Variants in P3H1 observed in about 807,000 individuals in gnomAD.
P3H1 encodes growth suppressor 1.
In P3H1, 69 loss-of-function variants were observed where a neutral mutation model predicts 84.0. That is an observed-to-expected ratio of 0.82 (90% CI 0.68 to 1.00). The LOEUF (loss-of-function observed/expected upper bound fraction) is 1.00, where lower values mean the gene tolerates loss of function less well. Ranked by LOEUF, P3H1 falls within the 50% of genes least tolerant of loss-of-function variation. The pLI is 0.00. For synonymous variants in P3H1, 366 were observed against 388.8 expected, an observed-to-expected ratio of 0.94 and a Z score of 0.69; for missense variants, 878 against 962.8, an observed-to-expected ratio of 0.91 and a Z score of 1.17.
chr1:42,751,472 T>C (rs1167201710), intron 10 of P3H1, among the ~76,000 whole-genome samples: 1 of 136,586 alleles, frequency 7.3e-6, no homozygotes, highest in Non-Finnish European at 1.6e-5. Flanking sequence ...ACCAGAGACC[T>C]TTGTTCACTT....
chr1:42,749,728 G>A (rs1054890800), intron 11 of P3H1, among the ~76,000 whole-genome samples: 57 of 151,784 alleles, frequency 3.8e-4, no homozygotes, highest in African/African-American at 1.3e-3. Context: ...CTGCAAAACT[G>A]CCATTGCTTC....
Position 42,746,482 on chromosome 1 carries a change from T to C in P3H1, c.*215A>G. The C allele has an allele frequency of 1.7e-6, 1 of 593,378 alleles. No homozygotes were observed. Among genetic ancestry groups the C allele is most frequent in the Non-Finnish European group, 3.0e-6 (1 of 333,494 alleles). The allele number at this position is 593,378 out of a possible 1,614,324, so 36.8% of individuals were successfully genotyped here. On this transcript the variant is annotated 3_prime_UTR_variant, in exon 15 of 15. Transcript: ENST00000296388. ...AGGCCCCTGGGGGTGGCTGGGCCTG[T>C]GTCCTGAGCCCTCAGCCAGATCCAG...
chr1:42,748,915 C>T (rs1033646777), intron 11 of P3H1, among the ~76,000 whole-genome samples: 7 of 152,206 alleles, frequency 4.6e-5, no homozygotes, highest in Admixed American at 1.3e-4. Context: ...ACCGTCACGT[C>T]GTGGTGGGTG....
Position 42,766,528 on chromosome 1 carries a change from G to A in P3H1, c.444C>T (p.Tyr148=), listed in dbSNP as rs1319401505. ...LEFRKRSPYN[Y]LQVAYFKINK... The stretch of plus-strand genomic sequence containing the variant: ...GCACCTTGAAGTAGGCGACCTGCAG[G>A]TAGTTGTAGGGGCTCCGCTTGCGGA... The change falls in exon 1 of 15, where the codon TAC becomes TAT. Residue 148 remains tyrosine, a synonymous_variant. Transcript: ENST00000296388. 4 of 1,611,878 alleles carry A rather than the reference G, an allele frequency of 2.5e-6. No homozygotes were observed. Among genetic ancestry groups the A allele is most frequent in the South Asian group, 1.1e-5 (1 of 90,706 alleles).
intron 4 of P3H1, 52 bp from the exon 5 acceptor site, chr1:42,757,974 T>C (rs72956932): frequency 1.9e-6 from 3 of 1,558,096 alleles, no homozygotes; most frequent in Admixed American, 1.7e-5. Context: ...AAGGAAAGGA[T>C]AAAATCCTAG....
intron 10 of P3H1, among the ~76,000 whole-genome samples, 154 bp from the exon 11 acceptor site, chr1:42,750,490 C>G (rs1054474832): frequency 1.3e-5 from 2 of 152,202 alleles, no homozygotes; most frequent in African/African-American, 4.8e-5. Context: ...GGATCTTTCC[C>G]GTGCTGTTCT....
chr1:42,757,281 G>A (rs1652451542), intron 5 of P3H1, among the ~76,000 whole-genome samples: 1 of 152,152 alleles, frequency 6.6e-6, no homozygotes, highest in East Asian at 1.9e-4. Flanking sequence ...TCCTTTCAGC[G>A]CAGCAGTCTT....
rs973995086 is a variant in P3H1, at chr1:42,748,448, T to C, written c.1721-131A>G. ...TGCCCAATGAACTAGGGGGGTGTCTTTGGCTAAGCCACAAGCCTAGGGGTC... is the reference window on the plus strand; with the variant it reads ...TGCCCAATGAACTAGGGGGGTGTCTCTGGCTAAGCCACAAGCCTAGGGGTC... On this transcript the variant is annotated intron_variant, in intron 11 of 14. Coordinates refer to ENST00000296388, the MANE Select transcript of P3H1 (RefSeq NM_022356.4). 8 of 774,220 alleles carry C rather than the reference T, an allele frequency of 1.0e-5. No individual in the cohort carries two copies. The African/African-American group carries it at 1.3e-4, about 13-fold the overall frequency. The allele number at this position is 774,220 out of a possible 1,614,324, so 48.0% of individuals were successfully genotyped here.
intron 1 of P3H1, among the ~76,000 whole-genome samples, chr1:42,765,294 A>G (rs1245655893): frequency 1.3e-5 from 2 of 152,206 alleles, no homozygotes; most frequent in Non-Finnish European, 2.9e-5. Flanking sequence ...GCAGGCTTCA[A>G]TATTACCTCT....
At chr1:42,747,114 G>A (rs1459462315) in intron 14 of P3H1, 158 bp downstream of exon 14, 3 of 1,614,184 alleles carry the variant, frequency 1.9e-6, no homozygotes, top group Non-Finnish European at 2.5e-6. Flanking sequence ...AAGGCAATGT[G>A]ACCATAATGA....
intron 1 of P3H1, 113 bp downstream of exon 1, chr1:42,766,394 G>T: frequency 1.0e-6 from 1 of 968,460 alleles, no homozygotes; most frequent in Non-Finnish European, 1.6e-6. Context: ...CAGCCAGGAG[G>T]CCACTTTCCC....
intron 11 of P3H1, among the ~76,000 whole-genome samples, chr1:42,749,227 C>A (rs1409078326): frequency 1.4e-4 from 21 of 152,266 alleles, no homozygotes. Flanking sequence ...GCTTGTGACA[C>A]ACCCAGTTGT....
rs1651719141 is a variant in P3H1, at chr1:42,746,593, G to A, written c.*104C>T. 1.1e-6 allele frequency: 1 copy of A among 930,668 alleles called. No homozygotes were observed. The highest frequency in any genetic ancestry group is 2.0e-5 in the Admixed American group (1 of 48,820). The allele number at this position is 930,668 out of a possible 1,614,324, so 57.7% of individuals were successfully genotyped here. A position where few individuals can be genotyped will look rare whatever the true frequency, so the allele number is the denominator to read the frequency against. ...GCAGGGTCCCCTCGGCTGAGTGGCAGATGTAGGCTCACTGCTCTGCAGCCC... is the reference window on the plus strand; with the variant it reads ...GCAGGGTCCCCTCGGCTGAGTGGCAAATGTAGGCTCACTGCTCTGCAGCCC... On this transcript the variant is annotated 3_prime_UTR_variant, in exon 15 of 15. Coordinates refer to ENST00000296388, the MANE Select transcript of P3H1 (RefSeq NM_022356.4).
At chr1:42,765,668 A>G (rs370208321) in intron 1 of P3H1, among the ~76,000 whole-genome samples, 3 of 152,330 alleles carry the variant, frequency 2.0e-5, no homozygotes, top group Admixed American at 6.5e-5. Flanking sequence ...AGAGTCTCTA[A>G]GTGTCTCTTT....
intron 1 of P3H1, 95 bp from the exon 2 acceptor site, chr1:42,762,570 C>A (rs1025175713): frequency 1.1e-4 from 145 of 1,355,922 alleles, no homozygotes; most frequent in Non-Finnish European, 1.5e-4. Context: ...GAAATCCCTG[C>A]CTCCCTGAGC....
At chr1:42,766,087 G>A (rs1236393083) in intron 1 of P3H1, among the ~76,000 whole-genome samples, 1 of 150,958 alleles carries the variant, frequency 6.6e-6, no homozygotes, top group Non-Finnish European at 1.5e-5. Flanking sequence ...TCCTGAAAGA[G>A]AGCTGCTGAA....
intron 12 of P3H1, 63 bp downstream of exon 12, chr1:42,748,137 G>A: frequency 8.3e-7 from 1 of 1,206,834 alleles, no homozygotes; most frequent in Non-Finnish European, 1.2e-6. Flanking sequence ...GTAGAGTGCA[G>A]GGCACTGTGG....
chr1:42,762,149 T>C (rs1652751816), intron 2 of P3H1, 174 bp downstream of exon 2: 1 of 633,442 alleles, frequency 1.6e-6, no homozygotes, highest in South Asian at 1.8e-5. Flanking sequence ...TGCATGCCTG[T>C]AGTCCCAACT....
In P3H1 at chr1:42,746,581, G is replaced by T; in HGVS notation, c.*116C>A. On this transcript the variant is annotated 3_prime_UTR_variant, in exon 15 of 15. Transcript: ENST00000296388. ...AGAAGGCTGTGAGCAGGGTCCCCTC[G>T]GCTGAGTGGCAGATGTAGGCTCACT... 1 of 824,728 alleles carries T rather than the reference G, an allele frequency of 1.2e-6. No individual in the cohort carries two copies. The highest frequency in any genetic ancestry group is 2.0e-6 in the Non-Finnish European group (1 of 497,636). The allele number at this position is 824,728 out of a possible 1,614,324, so 51.1% of individuals were successfully genotyped here.
Sources: gnomAD v4.1 joint callset for allele counts (sites outside exome capture counted in the v4.1 genomes callset) on GRCh38, gnomAD v4.1.1 for gene constraint, MANE v1.5 for transcripts, NCBI Gene and HGNC (gene_info 2026-07-23, HGNC 2026-07-21) for gene names.